Variants in CCDC91 observed in about 807,000 individuals in gnomAD.
The protein encoded by CCDC91 is coiled-coil domain-containing protein 91.
CCDC91 carries 48 observed loss-of-function variants against 63.2 expected under a neutral mutation model. That is an observed-to-expected ratio of 0.76 (90% confidence interval 0.60 to 0.97). The LOEUF (loss-of-function observed/expected upper bound fraction) is 0.97. Ranked by LOEUF, CCDC91 falls within the 50% of genes least tolerant of loss-of-function variation. The pLI, the probability that CCDC91 is intolerant of heterozygous loss-of-function variation, is 0.00. For missense variants in CCDC91, 500 were observed against 494.6 expected (o/e 1.01, Z -0.10); for synonymous variants, 167 against 165.8 (o/e 1.01, Z -0.06).
intron 11 of CCDC91, among the ~76,000 whole-genome samples, chr12:28,472,350 A>C (rs1566026175): frequency 6.6e-6 from 1 of 152,216 alleles, no homozygotes; most frequent in African/African-American, 2.4e-5. Context: ...GGATTGGCAG[A>C]CTTTTTCTGC....
chr12:28,412,525 G>T (rs954236958), intron 8 of CCDC91, among the ~76,000 whole-genome samples: 8 of 152,102 alleles, frequency 5.3e-5, no homozygotes, highest in African/African-American at 1.9e-4. Flanking sequence ...GTGGGATCGT[G>T]GTCTTGCTGA....
At chr12:28,500,383 A>G (rs1592861306) in intron 12 of CCDC91, among the ~76,000 whole-genome samples, 1 of 151,934 alleles carries the variant, frequency 6.6e-6, no homozygotes. Context: ...TTTTGTTGCC[A>G]TTGCTTTTAG....
chr12:28,289,425 C>T (rs1949086632), intron 3 of CCDC91, among the ~76,000 whole-genome samples: 1 of 152,146 alleles, frequency 6.6e-6, no homozygotes, highest in Admixed American at 6.6e-5. Context: ...TTTCTGCCTT[C>T]TCTTCATTAT....
chr12:28,250,478 C>T lies in CCDC91; in HGVS notation c.-14-6724C>T, dbSNP rs527646858. Among the ~76,000 whole-genome samples the T allele has an allele frequency of 2.6e-5, 4 of 151,946 alleles. No individual in the cohort carries two copies. In the South Asian group the frequency reaches 6.2e-4, roughly 24 times the overall value. ...ATAGGCAGTTTCAAAATTATTAACC[C>T]CAATAATAATTGGACACTTGATGAG... On this transcript the variant is annotated intron_variant, in intron 1 of 12. Coordinates refer to ENST00000536442, the MANE Select transcript of CCDC91 (RefSeq NM_018318.5).
intron 7 of CCDC91, among the ~76,000 whole-genome samples, chr12:28,371,391 C>T (rs1469737704): frequency 1.3e-5 from 2 of 152,152 alleles, no homozygotes; most frequent in East Asian, 3.9e-4. Flanking sequence ...TGAGGTTTAA[C>T]AATTTCATCC....
chr12:28,205,842 G>A (rs187557112), intron 1 of CCDC91, among the ~76,000 whole-genome samples: 79 of 152,286 alleles, frequency 5.2e-4, no homozygotes, highest in African/African-American at 1.8e-3. Flanking sequence ...TACAAGTATA[G>A]AGTCCTTCTC....
At chr12:28,347,701 C>G (rs904566429) in intron 6 of CCDC91, among the ~76,000 whole-genome samples, 2 of 152,200 alleles carry the variant, frequency 1.3e-5, no homozygotes, top group African/African-American at 4.8e-5. Flanking sequence ...TTAGAAATCA[C>G]CCATGCTTCC....
At chr12:28,473,878 A>G (rs1950947148) in intron 11 of CCDC91, among the ~76,000 whole-genome samples, 1 of 152,136 alleles carries the variant, frequency 6.6e-6, no homozygotes, top group Non-Finnish European at 1.5e-5. Context: ...AATTAAGCAC[A>G]ACTTTTAAAA....
At chr12:28,274,027 A>G (rs1356904245) in intron 3 of CCDC91, among the ~76,000 whole-genome samples, 1 of 152,184 alleles carries the variant, frequency 6.6e-6, no homozygotes, top group Non-Finnish European at 1.5e-5. Context: ...ATAAGGTGTA[A>G]GGAAGGGATC....
intron 8 of CCDC91, among the ~76,000 whole-genome samples, chr12:28,418,783 A>G (rs1359908186): frequency 6.6e-6 from 1 of 152,110 alleles, no homozygotes; most frequent in Non-Finnish European, 1.5e-5. Context: ...TTTGGTTGTT[A>G]TTATATGCAG....
intron 12 of CCDC91, among the ~76,000 whole-genome samples, chr12:28,516,639 A>T (rs1939980462): frequency 6.6e-6 from 1 of 151,886 alleles, no homozygotes; most frequent in African/African-American, 2.4e-5. Context: ...TTATTTTCTC[A>T]CAGTCTCACA....
At chr12:28,203,532 C>A (rs1942619990) in intron 1 of CCDC91, among the ~76,000 whole-genome samples, 1 of 152,120 alleles carries the variant, frequency 6.6e-6, no homozygotes, top group Non-Finnish European at 1.5e-5. Context: ...GTAAAAATTT[C>A]CCATATGTAG....
chr12:28,519,988 T>G (rs1028319166), intron 12 of CCDC91, among the ~76,000 whole-genome samples: 1 of 152,052 alleles, frequency 6.6e-6, no homozygotes, highest in Non-Finnish European at 1.5e-5. Flanking sequence ...GGCATTTGGG[T>G]TGGTTCCAAG....
intron 8 of CCDC91, among the ~76,000 whole-genome samples, chr12:28,447,822 G>GAGGGGAGGGGAGGGA (rs1949601840): frequency 2.9e-5 from 1 of 34,710 alleles, no homozygotes; most frequent in Non-Finnish European, 5.7e-5. Context: ...GAGGGGAAGG[G>GAGGGGAGGGGAGGGA]AGGGGAGGGG....
intron 3 of CCDC91, among the ~76,000 whole-genome samples, chr12:28,294,877 G>A (rs764630507): frequency 4.9e-4 from 75 of 152,078 alleles, no homozygotes; most frequent in Non-Finnish European, 9.3e-4. Context: ...GAGCTACTAC[G>A]CTTGACCTAA....
intron 1 of CCDC91, among the ~76,000 whole-genome samples, chr12:28,252,817 A>G (rs1410887197): frequency 1.3e-5 from 2 of 152,066 alleles, no homozygotes; most frequent in African/African-American, 4.8e-5. Context: ...GTCTGTTCAC[A>G]TGTAAGATTG....
At chr12:28,255,983 A>G (rs149921930) in intron 1 of CCDC91, 2 of 152,150 alleles carry the variant, frequency 1.3e-5, no homozygotes, top group Admixed American at 6.6e-5. Flanking sequence ...TTTAATATGT[A>G]TAGCTATTTT....
At chr12:28,452,373 C>T in intron 10 of CCDC91, 105 bp from the exon 11 acceptor site, 1 of 685,524 alleles carries the variant, frequency 1.5e-6, no homozygotes, top group Non-Finnish European at 2.4e-6. Context: ...TAGAACTAAA[C>T]ACTATAGGAT....
chr12:28,322,364 CCTT>C (rs1263487713), intron 6 of CCDC91, among the ~76,000 whole-genome samples: 1 of 151,804 alleles, frequency 6.6e-6, no homozygotes, highest in Non-Finnish European at 1.5e-5. Context: ...CAGCTCCAGT[CCTT>C]CTTCTGCTTT....
Sources: allele counts gnomAD v4.1 joint callset (sites outside exome capture counted in the v4.1 genomes callset), GRCh38; gene constraint gnomAD v4.1.1; transcripts MANE v1.5; gene names NCBI Gene and HGNC (gene_info 2026-07-23, HGNC 2026-07-21).